SPON1: variants seen among roughly 807,000 people sequenced by gnomAD.
The protein encoded by SPON1 is spondin-1.
In SPON1, 52 loss-of-function variants were observed where a neutral mutation model predicts 111.7. The observed-to-expected ratio is 0.47, with a 90% CI of 0.37 to 0.59. The LOEUF is 0.59. SPON1 is among the 20% of genes least tolerant of loss of function. The pLI is 0.00. For missense variants in SPON1, 957 were observed against 1,068.5 expected, an observed-to-expected ratio of 0.90 and a Z score of 1.46; for synonymous variants, 410 against 395.8, an observed-to-expected ratio of 1.04 and a Z score of -0.43.
intron 6 of SPON1, among the ~76,000 whole-genome samples, chr11:14,236,865 G>A (rs1188498353): frequency 6.6e-6 from 1 of 152,230 alleles, no homozygotes; most frequent in Non-Finnish European, 1.5e-5. Flanking sequence ...TTGGCACGGA[G>A]AGGTCACTGG....
chr11:14,224,705 G>A (rs782606032), intron 6 of SPON1: 9 of 487,178 alleles, frequency 1.8e-5, no homozygotes, highest in East Asian at 1.1e-4. Context: ...TGAAGATGAG[G>A]ATGGTGGTGG....
intron 3 of SPON1, among the ~76,000 whole-genome samples, chr11:14,065,764 C>G (rs1554920313): frequency 6.6e-6 from 1 of 152,190 alleles, no homozygotes; most frequent in Admixed American, 6.5e-5. Context: ...CAGATGAAAG[C>G]TATGAATTCT....
chr11:14,054,185 A>G (rs1848728087), intron 3 of SPON1, among the ~76,000 whole-genome samples: 1 of 152,204 alleles, frequency 6.6e-6, no homozygotes, highest in African/African-American at 2.4e-5. Context: ...AACAGTTCAT[A>G]TTTAACAGTC....
chr11:14,178,925 A>G (rs1848209610), intron 6 of SPON1, among the ~76,000 whole-genome samples: 1 of 152,226 alleles, frequency 6.6e-6, no homozygotes, highest in Non-Finnish European at 1.5e-5. Context: ...AGACTGGCCC[A>G]ATGATGATTA....
rs558970491 is a variant in SPON1 at position 14,117,418 on chromosome 11, T to C, written c.677-18002T>C. On this transcript the variant is annotated intron_variant, in intron 5 of 15. Coordinates refer to ENST00000576479, the MANE Select transcript of SPON1 (RefSeq NM_006108.4). ...ATGTATATCAAATATAATCAGATAC[T>C]TTTTCTGTGTTCTATGAACATATTC... is the stretch of plus-strand genomic sequence containing the variant. Among the ~76,000 whole-genome samples, 10 of 152,342 alleles carry C rather than the reference T, an allele frequency of 6.6e-5. No individual in the cohort carries two copies. The South Asian group carries it at 2.1e-3, about 32-fold the overall frequency.
intron 6 of SPON1, among the ~76,000 whole-genome samples, chr11:14,152,513 T>C (rs1057395446): frequency 8.5e-5 from 13 of 152,206 alleles, no homozygotes; most frequent in Non-Finnish European, 1.3e-4. Context: ...TGGAGTAGCA[T>C]TGGGGAAACT....
chr11:14,036,393 T>G (rs10766132), intron 2 of SPON1, among the ~76,000 whole-genome samples: 45,064 of 151,958 alleles, frequency 0.3, 7,882 homozygotes, highest in South Asian at 0.51. Flanking sequence ...GAAGGTAAGA[T>G]GGACAACATT....
At chr11:14,076,504 T>TCAGTCAGAC (rs1848919138) in intron 4 of SPON1, among the ~76,000 whole-genome samples, 1 of 152,246 alleles carries the variant, frequency 6.6e-6, no homozygotes, top group African/African-American at 2.4e-5. Context: ...AGCAGCCCTA[T>TCAGTCAGAC]ATGGTAAAGA....
At chr11:14,167,169 G>A (rs1554931935) in intron 6 of SPON1, among the ~76,000 whole-genome samples, 1 of 152,066 alleles carries the variant, frequency 6.6e-6, no homozygotes, top group Non-Finnish European at 1.5e-5. Context: ...TTTCATATTT[G>A]ATGATGCTTC....
rs540530717 is a variant in SPON1, at chr11:14,104,542, C to T, written c.676+24521C>T. On this transcript the variant is annotated intron_variant, in intron 5 of 15. Transcript: ENST00000576479. Reference sequence around the variant, plus strand: ...ACTTTTGTTCTTTTTTTGTTCTTCCCTACTCTGTTACTGCTTCCATTTTTC... The same window carrying T: ...ACTTTTGTTCTTTTTTTGTTCTTCCTTACTCTGTTACTGCTTCCATTTTTC... Among the ~76,000 whole-genome samples, 6 of 151,988 alleles carry T rather than the reference C, an allele frequency of 3.9e-5. 1 individual carries two copies. The highest frequency in any genetic ancestry group is 1.4e-4 in the African/African-American group (6 of 41,522).
At chr11:14,148,895 GCATT>G (rs1227466558) in intron 6 of SPON1, among the ~76,000 whole-genome samples, 2 of 152,136 alleles carry the variant, frequency 1.3e-5, no homozygotes, top group African/African-American at 2.4e-5. Context: ...AACATAGACT[GCATT>G]CATTCATTCA....
intron 6 of SPON1, among the ~76,000 whole-genome samples, chr11:14,227,281 G>A (rs978378408): frequency 1.3e-5 from 2 of 152,094 alleles, no homozygotes; most frequent in African/African-American, 2.4e-5. Context: ...AAATAGCAGG[G>A]ACTTCAGGCA....
chr11:13,970,803 C>T (rs1848057430), intron 1 of SPON1, among the ~76,000 whole-genome samples: 1 of 152,166 alleles, frequency 6.6e-6, no homozygotes, highest in Non-Finnish European at 1.5e-5. Context: ...ATTTATGTTT[C>T]CCGTCACTTT....
chr11:14,204,710 G>T (rs1009443444), intron 6 of SPON1, among the ~76,000 whole-genome samples: 33 of 149,938 alleles, frequency 2.2e-4, no homozygotes, highest in African/African-American at 7.4e-4. Flanking sequence ...TTTGTTTTTG[G>T]TTTTTTTTTT....
At chr11:14,044,486 C>T (rs545419472) in intron 3 of SPON1, among the ~76,000 whole-genome samples, 36 of 152,168 alleles carry the variant, frequency 2.4e-4, no homozygotes, top group African/African-American at 7.9e-4. Context: ...GTGGTGCGCA[C>T]CTGTAGTCCC....
At chr11:14,113,048 A>C (rs1849237517) in intron 5 of SPON1, among the ~76,000 whole-genome samples, 1 of 152,194 alleles carries the variant, frequency 6.6e-6, no homozygotes, top group South Asian at 2.1e-4. Context: ...AAATTTGTTC[A>C]AGCAATGAAT....
chr11:14,220,953 G>A (rs1356560199), intron 6 of SPON1, among the ~76,000 whole-genome samples: 1 of 152,134 alleles, frequency 6.6e-6, no homozygotes, highest in Non-Finnish European at 1.5e-5. Flanking sequence ...CAAAGGAATG[G>A]CCCTGACCTT....
intron 3 of SPON1, among the ~76,000 whole-genome samples, chr11:14,048,376 T>G (rs1226792498): frequency 6.6e-6 from 1 of 152,206 alleles, no homozygotes; most frequent in African/African-American, 2.4e-5. Context: ...TTGAGTAATA[T>G]TCCTGGGAGA....
Position 14,053,018 on chromosome 11 carries a change from A to G in SPON1, c.479+11364A>G, listed in dbSNP as rs568898428. 6.6e-5 allele frequency among the ~76,000 whole-genome samples: 10 copies of G among 152,330 alleles called. No homozygotes were observed. The South Asian group carries it at 1.5e-3, about 22-fold the overall frequency. ...CTATTTGTGAGCTAGCACCAGGTCT[A>G]TGGCAGCAAGACTAGTTCCAATCCT... On this transcript the variant is annotated intron_variant, in intron 3 of 15. Coordinates refer to ENST00000576479, the MANE Select transcript of SPON1 (RefSeq NM_006108.4).
Sources: allele counts gnomAD v4.1 joint callset (sites outside exome capture counted in the v4.1 genomes callset), GRCh38; gene constraint gnomAD v4.1.1; transcripts MANE v1.5; gene names NCBI Gene and HGNC (gene_info 2026-07-23, HGNC 2026-07-21).